The following AGXT2 variants were observed in gnomAD, a reference collection of about 807,000 sequenced individuals.
AGXT2 encodes the protein alanine--glyoxylate aminotransferase 2.
AGXT2 carries 61 observed loss-of-function variants against 62.5 expected under a neutral mutation model. The observed-to-expected ratio is 0.98, with a 90% CI of 0.79 to 1.21. The LOEUF (loss-of-function observed/expected upper bound fraction) is 1.21, where lower values mean the gene tolerates loss of function less well. AGXT2 is among the 50% of genes most tolerant of loss of function. The pLI is 0.00. For missense variants in AGXT2, 666 were observed against 641.5 expected (o/e 1.04, Z -0.41); for synonymous variants, 243 against 218.7 (o/e 1.11, Z -0.98).
In AGXT2 at chr5:35,039,515, A is replaced by G; in HGVS notation, c.178-7T>C. 9 of 1,613,366 alleles carry G rather than the reference A, an allele frequency of 5.6e-6. No individual in the cohort carries two copies. The South Asian group carries it at 8.8e-5, about 16-fold the overall frequency. Reference sequence around the variant, plus strand: ...CACGGTTGTAGCCAAGGGACTGTAGATAAACAAGATTTAAACCCACACACT... The same window carrying G: ...CACGGTTGTAGCCAAGGGACTGTAGGTAAACAAGATTTAAACCCACACACT... On this transcript the variant is annotated splice_polypyrimidine_tract_variant and splice_region_variant and intron_variant, in intron 2 of 13. Transcript: ENST00000231420.
At chr5:35,035,870 A>G (rs955697729) in intron 4 of AGXT2, among the ~76,000 whole-genome samples, 2 of 152,140 alleles carry the variant, frequency 1.3e-5, no homozygotes, top group Admixed American at 6.5e-5. Context: ...TGAGGTCAGG[A>G]GTTTGAGATC....
At chr5:35,040,447 A>G (rs1767940942) in intron 2 of AGXT2, 128 bp downstream of exon 2, 1 of 846,840 alleles carries the variant, frequency 1.2e-6, no homozygotes, top group Non-Finnish European at 2.0e-6. Flanking sequence ...ACTTAGAGGT[A>G]CAATATCTGG....
rs1010122546 is a variant in AGXT2, at chr5:35,047,861, G to A, written c.32C>T (p.Pro11Leu). The A allele has an allele frequency of 4.3e-6, 7 of 1,613,934 alleles. No homozygotes were observed. The highest frequency in any genetic ancestry group is 2.2e-5 in the East Asian group (1 of 44,870). Residue 11 changes from proline (P) to leucine (L), a missense_variant, in exon 1 of 14, where the codon CCC becomes CTC. Transcript: ENST00000231420. Reference sequence around the variant, plus strand: ...GGGAGCGGAAGTGACCAGGCACAAGGGTCTCAGCAAATGTCTCCAGATTAG... The same window carrying A: ...GGGAGCGGAAGTGACCAGGCACAAGAGTCTCAGCAAATGTCTCCAGATTAG... Reference protein sequence around the residue: MTLIWRHLLRPLCLVTSAPRI... With the variant: MTLIWRHLLRLLCLVTSAPRI...
At chr5:35,003,051 C>T (rs1451987256) in intron 13 of AGXT2, among the ~76,000 whole-genome samples, 1 of 152,204 alleles carries the variant, frequency 6.6e-6, no homozygotes, top group East Asian at 1.9e-4. Context: ...GTAGCCCATC[C>T]CTGGGGAGAG....
In AGXT2 at chr5:35,030,786, G is replaced by A. The variant is rs111301611; in HGVS notation, c.769+1946C>T. Among the ~76,000 whole-genome samples the A allele has an allele frequency of 3.5e-3, 529 of 152,300 alleles. 3 individuals carry two copies. Among genetic ancestry groups the A allele is most frequent in the African/African-American group, 0.012 (503 of 41,564 alleles). On this transcript the variant is annotated intron_variant, in intron 7 of 13. Transcript: ENST00000231420. ...GCTTCCGTCTACTAGGCTCTGTGCT[G>A]GTGGTTTTGCAGTCAGACCAGGGTC...
At chr5:35,033,402 A>G in intron 6 of AGXT2, 58 bp downstream of exon 6, 1 of 1,311,946 alleles carries the variant, frequency 7.6e-7, no homozygotes, top group Non-Finnish European at 1.1e-6. Context: ...AAACCTGATC[A>G]ACTACTTCAC....
At chr5:35,008,021 G>A (rs141933764) in intron 12 of AGXT2, among the ~76,000 whole-genome samples, 1 of 151,996 alleles carries the variant, frequency 6.6e-6, no homozygotes, top group Non-Finnish European at 1.5e-5. Context: ...CTTCCACCAC[G>A]AACAGAAGCA....
intron 7 of AGXT2, among the ~76,000 whole-genome samples, chr5:35,027,420 C>A (rs1048345175): frequency 3.3e-5 from 5 of 152,114 alleles, no homozygotes; most frequent in Non-Finnish European, 7.3e-5. Flanking sequence ...AACCCACATG[C>A]TGAGTTTTAA....
Position 35,036,965 on chromosome 5 carries a change from C to T in AGXT2, c.463G>A (p.Ala155Thr), listed in dbSNP as rs756036796. ...ACCTTAAGAGGCTCAGGAAGAAGTG[C>T]GGCAAGCTTCTCTGCATATTCATGC... ...PMHEYAEKLA[A>T]LLPEPLKVIF... The change falls in exon 4 of 14, where the codon GCA (alanine) becomes ACA (threonine). Residue 155 changes from alanine (A) to threonine (T), a missense_variant. Physicochemically the swap from Ala to Thr is moderately conservative, Grantham distance 58 (BLOSUM62 0). Coordinates refer to ENST00000231420, the MANE Select transcript of AGXT2 (RefSeq NM_031900.4). 3.4e-5 allele frequency: 55 copies of T among 1,613,988 alleles called. No individual in the cohort carries two copies. Among genetic ancestry groups the T allele is most frequent in the Middle Eastern group, 3.3e-4 (2 of 6,080 alleles).
intron 12 of AGXT2, among the ~76,000 whole-genome samples, chr5:35,008,771 C>T (rs1766520435): frequency 6.6e-6 from 1 of 152,158 alleles, no homozygotes. Context: ...AATTGAGCAT[C>T]AATCCTTCTA....
At position 35,033,634 on chromosome 5, in the gene AGXT2, A is replaced by G. The variant is rs1767659145; in HGVS notation, c.582-81T>C. Reference sequence around the variant, plus strand: ...ACAAAAGAGAAAACCCAGGAAGGCTATGAAGATGAAATAGAACATCATTCG... The same window carrying G: ...ACAAAAGAGAAAACCCAGGAAGGCTGTGAAGATGAAATAGAACATCATTCG... On this transcript the variant is annotated intron_variant, in intron 5 of 13. Transcript: ENST00000231420. 6.4e-6 allele frequency: 7 copies of G among 1,095,854 alleles called. No individual in the cohort carries two copies. The South Asian group carries it at 7.6e-5, about 12-fold the overall frequency. 67.9% of individuals were successfully genotyped at this position (1,095,854 alleles called of 1,614,324 possible).
intron 2 of AGXT2, 146 bp from the exon 3 acceptor site, chr5:35,039,654 A>C: frequency 1.4e-6 from 1 of 726,720 alleles, no homozygotes; most frequent in Non-Finnish European, 2.3e-6. Flanking sequence ...CTTACCCAAT[A>C]TCGTCCCTGC....
At chr5:35,021,185 G>A (rs561297110) in intron 9 of AGXT2, among the ~76,000 whole-genome samples, 1 of 152,294 alleles carries the variant, frequency 6.6e-6, no homozygotes, top group East Asian at 1.9e-4. Flanking sequence ...TCCCCATCAA[G>A]CTACCAATGA....
intron 13 of AGXT2, among the ~76,000 whole-genome samples, chr5:35,000,207 T>G (rs9292570): frequency 2.0e-5 from 3 of 151,600 alleles, no homozygotes; most frequent in African/African-American, 7.3e-5. Context: ...CCAGCCCTCA[T>G]TCTCTCTGGC....
At chr5:35,030,511 A>C (rs1460973365) in intron 7 of AGXT2, among the ~76,000 whole-genome samples, 6 of 152,026 alleles carry the variant, frequency 3.9e-5, no homozygotes, top group South Asian at 4.2e-4. Context: ...TTTGTCTCAA[A>C]AAAAAAAATA....
At chr5:35,028,211 A>G (rs1015485198) in intron 7 of AGXT2, among the ~76,000 whole-genome samples, 3 of 152,050 alleles carry the variant, frequency 2.0e-5, no homozygotes, top group African/African-American at 7.2e-5. Flanking sequence ...GCTTTCTTGT[A>G]TCCATGCTTT....
chr5:35,006,416 C>T (rs1218630254), intron 12 of AGXT2, among the ~76,000 whole-genome samples: 3 of 152,262 alleles, frequency 2.0e-5, no homozygotes, highest in African/African-American at 4.8e-5. Context: ...CTCCAGCACC[C>T]GCTTCTAGTG....
In AGXT2 at chr5:35,025,997, TGTGG is replaced by T. The variant is rs966452046; in HGVS notation, c.871-146_871-143del. ...CAACAGTCTGTAGAACAGTTTCCAC[TGTGG>T]GTGAAAAGAGGACTTATTACTCTAT... On this transcript the variant is annotated intron_variant, in intron 8 of 13. Coordinates refer to ENST00000231420, the MANE Select transcript of AGXT2 (RefSeq NM_031900.4). 2.9e-5 allele frequency: 22 copies of T among 751,648 alleles called. No individual in the cohort carries two copies. In the African/African-American group the frequency reaches 3.6e-4, roughly 12 times the overall value. The allele number at this position is 751,648 out of a possible 1,614,324, so 46.6% of individuals were successfully genotyped here. A position where few individuals can be genotyped will look rare whatever the true frequency, so the allele number is the denominator to read the frequency against.
At chr5:35,025,637 G>A in intron 9 of AGXT2, 126 bp downstream of exon 9, 1 of 939,210 alleles carries the variant, frequency 1.1e-6, no homozygotes. Flanking sequence ...TCATTCATTT[G>A]TAGGCAAACT....
Sources: allele counts gnomAD v4.1 joint callset (sites outside exome capture counted in the v4.1 genomes callset), GRCh38; gene constraint gnomAD v4.1.1; transcripts MANE v1.5; gene names NCBI Gene and HGNC (gene_info 2026-07-23, HGNC 2026-07-21).